The following FARP1 variants were observed in gnomAD, a reference collection of about 807,000 sequenced individuals.
FARP1 encodes the protein FERM, ARH/RhoGEF and pleckstrin domain protein 1.
FARP1 carries 52 observed loss-of-function variants against 128.8 expected under a neutral mutation model. That is an observed-to-expected ratio of 0.40 (90% CI 0.32 to 0.51). The LOEUF is 0.51. Ranked by LOEUF, FARP1 falls within the 20% of genes least tolerant of loss-of-function variation. The pLI is 0.45. For missense variants in FARP1, 1,333 were observed against 1,367.9 expected (o/e 0.97, Z 0.40); for synonymous variants, 580 against 551.8 (o/e 1.05, Z -0.72).
rs565965274 is a variant in FARP1 at position 98,430,847 on chromosome 13, G to C, written c.1906-196G>C. Reference sequence around the variant, plus strand: ...TTTAAACTGCTCAGTACCTTAATAGGCCTTTTTATTTCATCCTGAGAACTT... The same window carrying C: ...TTTAAACTGCTCAGTACCTTAATAGCCCTTTTTATTTCATCCTGAGAACTT... On this transcript the variant is annotated intron_variant, in intron 17 of 26. Coordinates refer to ENST00000319562, the MANE Select transcript of FARP1 (RefSeq NM_005766.4). Among the ~76,000 whole-genome samples the C allele has an allele frequency of 2.0e-5, 3 of 152,256 alleles. No homozygotes were observed. The South Asian group carries it at 6.2e-4, about 32-fold the overall frequency.
At position 98,410,738 on chromosome 13, in the gene FARP1, T is replaced by G. The variant is rs1406298988; in HGVS notation, c.1607T>G (p.Phe536Cys). 6.3e-7 allele frequency: 1 copy of G among 1,586,848 alleles called. No homozygotes were observed. The highest frequency in any genetic ancestry group is 8.6e-7 in the Non-Finnish European group (1 of 1,158,338). ...TTCTTTTGCTGGGTTTTGCAGAGAT[T>G]CCCAACTGATAAAGCGTACTTCATA... ...DDEDEGRRKR[F>C]PTDKAYFIAK... Residue 536 changes from phenylalanine to cysteine, a missense_variant, in exon 15 of 27, where the codon TTC becomes TGC. By Grantham distance (205) the Phe-to-Cys change is radical (BLOSUM62 -2). This residue lies in a region of FARP1 where 1,009 missense variants were observed against 969.8 expected (regional missense o/e 1.04). Transcript: ENST00000319562.
At chr13:98,275,478 A>T (rs1441715656) in intron 2 of FARP1, among the ~76,000 whole-genome samples, 4 of 151,806 alleles carry the variant, frequency 2.6e-5, no homozygotes, top group Non-Finnish European at 5.9e-5. Flanking sequence ...ATATTTTAAA[A>T]TATTTTATGA....
chr13:98,343,767 A>T lies in FARP1; in HGVS notation c.177A>T (p.Arg59Ser). Reference sequence around the variant, plus strand: ...CCTGTTGTTTCTGCTCACAGCAAAGAGCTCCTGGGAAGGTGCTGCTGGATG... The same window carrying T: ...CCTGTTGTTTCTGCTCACAGCAAAGTGCTCCTGGGAAGGTGCTGCTGGATG... Reference protein sequence around the residue: ...DTQEAFEVPQRAPGKVLLDAV... With the variant: ...DTQEAFEVPQSAPGKVLLDAV... The change falls in exon 3 of 27, where the codon AGA (arginine) becomes AGT (serine). Residue 59 changes from arginine to serine, a missense_variant. Coordinates refer to ENST00000319562, the MANE Select transcript of FARP1 (RefSeq NM_005766.4). 1 of 1,613,200 alleles carries T rather than the reference A, an allele frequency of 6.2e-7. No individual in the cohort carries two copies. The highest frequency in any genetic ancestry group is 8.5e-7 in the Non-Finnish European group (1 of 1,179,150).
chr13:98,357,973 G>C (rs945251218), intron 3 of FARP1, among the ~76,000 whole-genome samples: 2 of 152,112 alleles, frequency 1.3e-5, no homozygotes, highest in African/African-American at 4.8e-5. Context: ...ACTCTGCCAA[G>C]GCCCCAGGAA....
At chr13:98,233,600 C>T (rs1882265197) in intron 2 of FARP1, 1 of 152,186 alleles carries the variant, frequency 6.6e-6, no homozygotes, top group Non-Finnish European at 1.5e-5. Flanking sequence ...ATTACAAGTC[C>T]TCCAAGCTTC....
intron 11 of FARP1, among the ~76,000 whole-genome samples, chr13:98,391,382 A>G (rs1257610026): frequency 1.3e-5 from 2 of 152,086 alleles, no homozygotes; most frequent in Admixed American, 6.5e-5. Context: ...GGACTCGATC[A>G]ATCCTCCCAC....
intron 2 of FARP1, among the ~76,000 whole-genome samples, chr13:98,225,189 G>A (rs1881686265): frequency 2.0e-5 from 3 of 152,188 alleles, no homozygotes; most frequent in African/African-American, 7.2e-5. Flanking sequence ...TAAGGACGAA[G>A]ATGACATATT....
At chr13:98,342,605 TAGG>T (rs1369506109) in intron 2 of FARP1, among the ~76,000 whole-genome samples, 1 of 150,722 alleles carries the variant, frequency 6.6e-6, no homozygotes, top group Non-Finnish European at 1.5e-5. Flanking sequence ...GAGGCCGAGG[TAGG>T]AGAATCACTT....
intron 2 of FARP1, among the ~76,000 whole-genome samples, chr13:98,290,778 A>G (rs1885413425): frequency 6.6e-6 from 1 of 152,026 alleles, no homozygotes; most frequent in Non-Finnish European, 1.5e-5. Flanking sequence ...TCTCCTAAAG[A>G]ATTGGGTATT....
intron 16 of FARP1, among the ~76,000 whole-genome samples, chr13:98,412,993 G>A (rs551478958): frequency 4.6e-5 from 7 of 152,224 alleles, no homozygotes; most frequent in African/African-American, 1.2e-4. Context: ...GCCTGAAGGA[G>A]CCCTATGTGA....
At position 98,259,882 on chromosome 13, in the gene FARP1, A is replaced by AGTGTGTGTGTGTGTGTGTGT. The variant is rs60886784; in HGVS notation, c.171+46488_171+46507dup. ...ATGGGAAATTTAAAGATACCTGAAA[A>AGTGTGTGTGTGTGTGTGTGT]GTGTGTGTGTGTGTGTGTGTGTGTG... On this transcript the variant is annotated intron_variant, in intron 2 of 26. Transcript: ENST00000319562. Among the ~76,000 whole-genome samples the AGTGTGTGTGTGTGTGTGTGT allele has an allele frequency of 7.1e-3, 917 of 128,836 alleles. 16 individuals carry two copies. Among genetic ancestry groups the AGTGTGTGTGTGTGTGTGTGT allele is most frequent in the East Asian group, 9.5e-3 (40 of 4,190 alleles). The allele number at this position is 128,836 out of a possible 152,430, so 84.5% of individuals were successfully genotyped here.
At chr13:98,262,832 A>G (rs1566807617) in intron 2 of FARP1, among the ~76,000 whole-genome samples, 1 of 152,270 alleles carries the variant, frequency 6.6e-6, no homozygotes, top group East Asian at 1.9e-4. Context: ...ATTACTGTTC[A>G]TTAGAGTGTG....
chr13:98,446,898 G>C (rs527835904), intron 26 of FARP1, 81 bp downstream of exon 26: 85 of 1,461,246 alleles, frequency 5.8e-5, no homozygotes, highest in Non-Finnish European at 9.5e-7. Context: ...CCAAGTCAGC[G>C]AGTGAGATGG....
At chr13:98,335,140 C>T (rs1887687959) in intron 2 of FARP1, among the ~76,000 whole-genome samples, 1 of 152,212 alleles carries the variant, frequency 6.6e-6, no homozygotes, top group East Asian at 1.9e-4. Context: ...CAGCTTTTTG[C>T]TAGTTCCTCT....
chr13:98,330,391 T>G (rs2139823396), intron 2 of FARP1, among the ~76,000 whole-genome samples: 1 of 152,298 alleles, frequency 6.6e-6, no homozygotes, highest in South Asian at 2.1e-4. Context: ...TGGAAATTGT[T>G]TATGTGATAA....
intron 2 of FARP1, among the ~76,000 whole-genome samples, chr13:98,336,292 C>G (rs1887739877): frequency 6.6e-6 from 1 of 152,060 alleles, no homozygotes; most frequent in African/African-American, 2.4e-5. Flanking sequence ...TACTCTGTCG[C>G]CCGGGCTGGA....
At chr13:98,285,703 G>A (rs1191895750) in intron 2 of FARP1, among the ~76,000 whole-genome samples, 1 of 152,190 alleles carries the variant, frequency 6.6e-6, no homozygotes, top group East Asian at 1.9e-4. Flanking sequence ...CTTCCTTTAT[G>A]GAGATGATCT....
intron 19 of FARP1, chr13:98,436,211 G>GTGTA: frequency 4.8e-6 from 1 of 210,342 alleles, no homozygotes; most frequent in Non-Finnish European, 9.6e-6. Context: ...CAGGAGAGAT[G>GTGTA]CAAGTTCACT....
chr13:98,412,537 A>T (rs1174298586), intron 16 of FARP1, among the ~76,000 whole-genome samples: 1 of 152,256 alleles, frequency 6.6e-6, no homozygotes, highest in Non-Finnish European at 1.5e-5. Flanking sequence ...TATCATAAGG[A>T]TCTGTTTTAA....
Sources: gnomAD v4.1 joint callset for allele counts (sites outside exome capture counted in the v4.1 genomes callset) on GRCh38, gnomAD v4.1.1 for gene constraint, gnomAD v4.1.1 regional missense constraint, MANE v1.5 for transcripts, NCBI Gene and HGNC (gene_info 2026-07-23, HGNC 2026-07-21) for gene names.